Variants in ARRB1 observed in about 807,000 individuals in gnomAD.
ARRB1 encodes arrestin beta 1.
A neutral mutation model predicts 56.8 loss-of-function variants in ARRB1; 21 were observed. The observed-to-expected ratio is 0.37, with a 90% CI of 0.26 to 0.53. ARRB1 has a LOEUF of 0.53. Ranked by LOEUF, ARRB1 falls within the 20% of genes least tolerant of loss-of-function variation. The probability of loss-of-function intolerance (pLI) is 0.88; values close to 1 mark genes in which losing one functional copy is unlikely to be tolerated. For synonymous variants in ARRB1, 210 were observed against 218.6 expected (o/e 0.96, Z 0.35); for missense variants, 424 against 553.7 (o/e 0.77, Z 2.35).
intron 1 of ARRB1, among the ~76,000 whole-genome samples, chr11:75,325,106 G>T (rs1175802727): frequency 6.6e-6 from 1 of 152,188 alleles, no homozygotes; most frequent in Non-Finnish European, 1.5e-5. Flanking sequence ...TGGTGCAGGG[G>T]TGACAACTGA....
chr11:75,328,900 A>G (rs574475259), intron 1 of ARRB1, among the ~76,000 whole-genome samples: 2 of 152,308 alleles, frequency 1.3e-5, no homozygotes, highest in African/African-American at 4.8e-5. Context: ...AGAGATCTGC[A>G]CAGCAAAACC....
chr11:75,350,730 A>AC (rs1267990070), intron 1 of ARRB1, among the ~76,000 whole-genome samples: 25 of 152,340 alleles, frequency 1.6e-4, no homozygotes, highest in East Asian at 1.2e-3. Context: ...GGGAAAGGGA[A>AC]CAGAGTAGAT....
chr11:75,317,174 T>C (rs1947278990), intron 1 of ARRB1, among the ~76,000 whole-genome samples: 1 of 152,176 alleles, frequency 6.6e-6, no homozygotes, highest in African/African-American at 2.4e-5. Context: ...TCTCCTCCAC[T>C]GTGTCAGGTG....
At chr11:75,348,067 C>A (rs1947799369) in intron 1 of ARRB1, among the ~76,000 whole-genome samples, 1 of 152,236 alleles carries the variant, frequency 6.6e-6, no homozygotes, top group South Asian at 2.1e-4. Flanking sequence ...GCCTCACACT[C>A]TTCTCTGAAT....
intron 1 of ARRB1, among the ~76,000 whole-genome samples, chr11:75,301,482 G>A (rs1591947659): frequency 6.6e-6 from 1 of 152,326 alleles, no homozygotes; most frequent in East Asian, 1.9e-4. Flanking sequence ...AGGCAATAGG[G>A]AGCCATGCAC....
Position 75,281,196 on chromosome 11 carries a change from A to T in ARRB1, c.415-54T>A, listed in dbSNP as rs1946327853. On this transcript the variant is annotated intron_variant, in intron 6 of 15. Transcript: ENST00000420843. Reference sequence around the variant, plus strand: ...GCCTTGGAGAAGCAGGGTCCCCAGTACACAGCCAGCCCACCTCTCATTTTA... The same window carrying T: ...GCCTTGGAGAAGCAGGGTCCCCAGTTCACAGCCAGCCCACCTCTCATTTTA... 8 of 1,510,808 alleles carry T rather than the reference A, an allele frequency of 5.3e-6. No individual in the cohort carries two copies. In the East Asian group the frequency reaches 1.9e-4, roughly 36 times the overall value. 93.6% of individuals were successfully genotyped at this position (1,510,808 alleles called of 1,614,324 possible). A position where few individuals can be genotyped will look rare whatever the true frequency, so the allele number is the denominator to read the frequency against.
In ARRB1 at chr11:75,351,634, G is replaced by C; in HGVS notation, c.-27C>G. 2 of 1,373,678 alleles carry C rather than the reference G, an allele frequency of 1.5e-6. No homozygotes were observed. Among genetic ancestry groups the C allele is most frequent in the Non-Finnish European group, 1.9e-6 (2 of 1,060,312 alleles). The allele number at this position is 1,373,678 out of a possible 1,614,324, so 85.1% of individuals were successfully genotyped here. A position where few individuals can be genotyped will look rare whatever the true frequency, so the allele number is the denominator to read the frequency against. ...GTCCGCGACGGTCGCAGGGAGGTCC[G>C]CGGCGTCAGCGCCCAGGCTGGAAAA... On this transcript the variant is annotated 5_prime_UTR_variant, in exon 1 of 16. Coordinates refer to ENST00000420843, the MANE Select transcript of ARRB1 (RefSeq NM_004041.5).
Position 75,264,533 on chromosome 11 carries a change from C to T in ARRB1, c.*1630G>A, listed in dbSNP as rs151028754. The T allele has an allele frequency of 2.6e-5, 4 of 152,370 alleles. No individual in the cohort carries two copies. The highest frequency in any genetic ancestry group is 3.9e-4 in the East Asian group (2 of 5,178). The allele number at this position is 152,370 out of a possible 1,614,324, so 9.4% of individuals were successfully genotyped here. A position where few individuals can be genotyped will look rare whatever the true frequency, so the allele number is the denominator to read the frequency against. ...TTGGGCAACTCATGCTACCTATGGC[C>T]ACAGCCTGACATCAATCCCTTCCCA... On this transcript the variant is annotated 3_prime_UTR_variant, in exon 16 of 16. Coordinates refer to ENST00000420843, the MANE Select transcript of ARRB1 (RefSeq NM_004041.5).
intron 1 of ARRB1, among the ~76,000 whole-genome samples, chr11:75,308,723 C>T (rs956377388): frequency 1.3e-5 from 2 of 150,804 alleles, no homozygotes; most frequent in Non-Finnish European, 2.9e-5. Context: ...CCAGCCTTGG[C>T]GACAGAGTGA....
At chr11:75,287,164 T>A (rs1946498956) in intron 3 of ARRB1, 151 bp downstream of exon 3, 6 of 753,886 alleles carry the variant, frequency 8.0e-6, no homozygotes, top group Non-Finnish European at 1.3e-5. Context: ...AGTGGGAAAG[T>A]AGCTGCTCAG....
At chr11:75,328,750 A>G (rs975161106) in intron 1 of ARRB1, among the ~76,000 whole-genome samples, 3 of 152,222 alleles carry the variant, frequency 2.0e-5, no homozygotes, top group Admixed American at 1.3e-4. Context: ...CTGTCCAGCC[A>G]AGGAGTCCCA....
intron 1 of ARRB1, among the ~76,000 whole-genome samples, chr11:75,332,960 C>A (rs1947544668): frequency 6.6e-6 from 1 of 152,034 alleles, no homozygotes; most frequent in African/African-American, 2.4e-5. Flanking sequence ...TTGAGTTGTC[C>A]CACCTTTCTG....
At chr11:75,301,715 G>T (rs1349283289) in intron 1 of ARRB1, among the ~76,000 whole-genome samples, 1 of 152,190 alleles carries the variant, frequency 6.6e-6, no homozygotes, top group Admixed American at 6.5e-5. Flanking sequence ...CGGGGAGCAG[G>T]TGGCAGCGGC....
rs909742352 is a variant in ARRB1 at position 75,260,152 on chromosome 11, C to T, written c.*6011G>A. On this transcript the variant is annotated 3_prime_UTR_variant, in exon 16 of 16. Coordinates refer to ENST00000420843, the MANE Select transcript of ARRB1 (RefSeq NM_004041.5). The stretch of plus-strand genomic sequence containing the variant: ...TGCCACAAAAGACCTTTAATGGCCT[C>T]CTATTTATTGTTCTTTTGTTCATTT... The T allele has an allele frequency of 1.3e-5, 2 of 152,156 alleles. No individual in the cohort carries two copies. 9.4% of individuals were successfully genotyped at this position (152,156 alleles called of 1,614,324 possible).
At chr11:75,332,196 A>G (rs775222705) in intron 1 of ARRB1, among the ~76,000 whole-genome samples, 1 of 150,618 alleles carries the variant, frequency 6.6e-6, no homozygotes, top group Non-Finnish European at 1.5e-5. Context: ...AAAAAGCTTT[A>G]TTGTTCACAC....
intron 1 of ARRB1, among the ~76,000 whole-genome samples, chr11:75,347,765 A>C (rs574852213): frequency 2.6e-5 from 4 of 152,284 alleles, no homozygotes; most frequent in African/African-American, 9.6e-5. Context: ...ACACTACTAG[A>C]TTACAGTTGA....
chr11:75,349,870 G>C (rs1947821025), intron 1 of ARRB1, among the ~76,000 whole-genome samples: 1 of 152,252 alleles, frequency 6.6e-6, no homozygotes, highest in South Asian at 2.1e-4. Flanking sequence ...ACAGAGCAGG[G>C]CTCCCCTCCC....
At chr11:75,306,478 G>A in intron 1 of ARRB1, 1 of 746,320 alleles carries the variant, frequency 1.3e-6, no homozygotes, top group Non-Finnish European at 2.0e-6. Flanking sequence ...ATCTCATGGA[G>A]AGAGGAAGAA....
At chr11:75,275,338 G>A (rs1946178942) in intron 10 of ARRB1, among the ~76,000 whole-genome samples, 1 of 151,824 alleles carries the variant, frequency 6.6e-6, no homozygotes, top group Non-Finnish European at 1.5e-5. Context: ...GTAGAGATGA[G>A]GTTTTGCCAT....
Sources: gnomAD v4.1 joint callset for allele counts (sites outside exome capture counted in the v4.1 genomes callset) on GRCh38, gnomAD v4.1.1 for gene constraint, MANE v1.5 for transcripts, NCBI Gene and HGNC (gene_info 2026-07-23, HGNC 2026-07-21) for gene names.